The following NRBP2 variants were observed in gnomAD, a reference collection of about 807,000 sequenced individuals.
NRBP2 encodes the protein nuclear receptor-binding protein 2.
NRBP2 carries 47 observed loss-of-function variants against 74.4 expected under a neutral mutation model. That is an observed-to-expected ratio of 0.63 (90% CI 0.50 to 0.81). The LOEUF (loss-of-function observed/expected upper bound fraction) is 0.81. NRBP2 is among the 30% of genes least tolerant of loss of function. NRBP2 has a pLI of 0.00. For missense variants in NRBP2, 613 were observed against 690.1 expected (o/e 0.89, Z 1.25); for synonymous variants, 312 against 273.8 (o/e 1.14, Z -1.38).
At position 143,837,921 on chromosome 8, in the gene NRBP2, A is replaced by T; in HGVS notation, c.841-166T>A. ...TCCCAGCAGCAGCAGCCAGGCCAGG[A>T]CCTGGTCCTCTGAGCTTGAGGACAG... On this transcript the variant is annotated intron_variant, in intron 10 of 17. Coordinates refer to ENST00000442628, the MANE Select transcript of NRBP2 (RefSeq NM_178564.4). This position sits in a 1 kb window ranked among gnomAD's most constrained non-coding sequence, Gnocchi z 4.3. 1 of 829,360 alleles carries T rather than the reference A, an allele frequency of 1.2e-6. No homozygotes were observed. The highest frequency in any genetic ancestry group is 2.0e-6 in the Non-Finnish European group (1 of 501,196). 51.4% of individuals were successfully genotyped at this position (829,360 alleles called of 1,614,324 possible).
downstream of NRBP2, among the ~76,000 whole-genome samples, chr8:143,831,359 C>CA (rs1818161224): frequency 6.6e-6 from 1 of 152,228 alleles, no homozygotes; most frequent in South Asian, 2.1e-4. Context: ...CTCATGCCTG[C>CA]CTTCCCAGCA....
chr8:143,839,086 G>A lies in NRBP2; in HGVS notation c.619C>T (p.Leu207Phe). ...RIFSNALPDD[L>F]RSPIRAEREE... ...CGCTCAGCGCGGATGGGGCTTCGGA[G>A]ATCATCTGGAAGTGCTGTGGGAGGG... The change falls in exon 8 of 18, where the codon CTC becomes TTC. Residue 207 changes from leucine to phenylalanine, a missense_variant. Leu to Phe is a conservative substitution (Grantham distance 22, BLOSUM62 0). This residue lies in a region of NRBP2 where 332 missense variants were observed against 429.2 expected (regional missense o/e 0.77). Transcript: ENST00000442628. The surrounding 1 kb of genome is among the most constrained non-coding windows in gnomAD (Gnocchi z 5.1). 4 of 1,526,740 alleles carry A rather than the reference G, an allele frequency of 2.6e-6. No individual in the cohort carries two copies. Among genetic ancestry groups the A allele is most frequent in the Non-Finnish European group, 3.5e-6 (4 of 1,140,330 alleles). The allele number at this position is 1,526,740 out of a possible 1,614,324, so 94.6% of individuals were successfully genotyped here. A position where few individuals can be genotyped will look rare whatever the true frequency, so the allele number is the denominator to read the frequency against.
At position 143,837,269 on chromosome 8, in the gene NRBP2, G is replaced by C. The variant is rs1554652099; in HGVS notation, c.1107C>G (p.Asp369Glu). The C allele has an allele frequency of 3.1e-6, 5 of 1,613,346 alleles. No homozygotes were observed. The highest frequency in any genetic ancestry group is 4.2e-6 in the Non-Finnish European group (5 of 1,179,914). The part of the protein sequence containing the change: ...RYSEVSFMEL[D>E]KFLEDVRNGI... The stretch of plus-strand genomic sequence containing the variant: ...CTCACCTGACATCCTCCAGGAATTT[G>C]TCCAGCTCCATGAAGGAGACTTCCG... The change falls in exon 13 of 18, where the codon GAC becomes GAG. Residue 369 changes from aspartate (D) to glutamate (E), a missense_variant. Asp to Glu is a conservative substitution (Grantham distance 45). Coordinates refer to ENST00000442628, the MANE Select transcript of NRBP2 (RefSeq NM_178564.4). This position sits in a 1 kb window ranked among gnomAD's most constrained non-coding sequence, Gnocchi z 4.3.
rs782197314 is a variant in NRBP2 at position 143,839,977 on chromosome 8, G to C, written c.306C>G (p.Ile102Met). ...EQLVLVDHPNIVKLHKYWLDT... is the reference protein window; with the variant it reads ...EQLVLVDHPNMVKLHKYWLDT... ...CCAGCCAGTACTTGTGCAACTTCACGATGTTCGGGTGGTCCACCAGCACCA... is the reference window on the plus strand; with the variant it reads ...CCAGCCAGTACTTGTGCAACTTCACCATGTTCGGGTGGTCCACCAGCACCA... The change falls in exon 3 of 18, where the codon ATC becomes ATG. Residue 102 changes from isoleucine to methionine, a missense_variant. By Grantham distance (10) the Ile-to-Met change is conservative. Around this residue, in one of 2 missense-constraint regions of NRBP2, gnomAD observed 332 missense variants for 429.2 expected, o/e 0.77. Coordinates refer to ENST00000442628, the MANE Select transcript of NRBP2 (RefSeq NM_178564.4). The surrounding 1 kb of genome is among the most constrained non-coding windows in gnomAD (Gnocchi z 5.1). 1.3e-6 allele frequency: 2 copies of C among 1,536,160 alleles called. No individual in the cohort carries two copies. Among genetic ancestry groups the C allele is most frequent in the Non-Finnish European group, 8.7e-7 (1 of 1,146,908 alleles).
chr8:143,836,982 T>A, intron 14 of NRBP2, 57 bp downstream of exon 14: 1 of 1,570,996 alleles, frequency 6.4e-7, no homozygotes, highest in South Asian at 1.2e-5. Flanking sequence ...GGGCACCTCT[T>A]ATCTGGCTGT....
At chr8:143,832,587 C>A (rs1211376230), downstream of NRBP2, among the ~76,000 whole-genome samples, 1 of 152,242 alleles carries the variant, frequency 6.6e-6, no homozygotes, top group African/African-American at 2.4e-5. Context: ...GAGGTGGGAC[C>A]TGCGGGCAGC....
At position 143,837,964 on chromosome 8, in the gene NRBP2, A is replaced by G. The variant is rs1554652425; in HGVS notation, c.841-209T>C. The G allele has an allele frequency of 7.0e-6, 5 of 718,466 alleles. No individual in the cohort carries two copies. In the South Asian group the frequency reaches 7.5e-5, roughly 11 times the overall value. The allele number at this position is 718,466 out of a possible 1,614,324, so 44.5% of individuals were successfully genotyped here. ...GAGGACAGCTGGGTTCTGGGATTGG[A>G]GCACCATGCTCTGCTTCCCTCGACC... On this transcript the variant is annotated intron_variant, in intron 10 of 17. Coordinates refer to ENST00000442628, the MANE Select transcript of NRBP2 (RefSeq NM_178564.4). This position sits in a 1 kb window ranked among gnomAD's most constrained non-coding sequence, Gnocchi z 4.3.
At chr8:143,836,604 G>A (rs1458123776) in intron 14 of NRBP2, among the ~76,000 whole-genome samples, 1 of 150,964 alleles carries the variant, frequency 6.6e-6, no homozygotes, top group Non-Finnish European at 1.5e-5. Flanking sequence ...ACCGAGAGAG[G>A]CCCCTGGCCA....
chr8:143,840,840 G>C lies in NRBP2; in HGVS notation c.-6C>G. ...GCCGGCTCCGGGGCCGCCATGGTTCGGCCAGCCCAGGCCACCGCCCTCTGC... is the reference window on the plus strand; with the variant it reads ...GCCGGCTCCGGGGCCGCCATGGTTCCGCCAGCCCAGGCCACCGCCCTCTGC... On this transcript the variant is annotated 5_prime_UTR_variant, in exon 1 of 18. Transcript: ENST00000442628. The surrounding 1 kb of genome is among the most constrained non-coding windows in gnomAD (Gnocchi z 5.7). 6.9e-7 allele frequency: 1 copy of C among 1,440,366 alleles called. No homozygotes were observed. The highest frequency in any genetic ancestry group is 1.4e-5 in the South Asian group (1 of 72,910). 89.2% of individuals were successfully genotyped at this position (1,440,366 alleles called of 1,614,324 possible).
Position 143,839,090 on chromosome 8 carries a change from A to G in NRBP2, c.615T>C (p.Asp205=). 1 of 1,525,664 alleles carries G rather than the reference A, an allele frequency of 6.6e-7. No individual in the cohort carries two copies. The highest frequency in any genetic ancestry group is 8.8e-7 in the Non-Finnish European group (1 of 1,139,716). The allele number at this position is 1,525,664 out of a possible 1,614,324, so 94.5% of individuals were successfully genotyped here. A position where few individuals can be genotyped will look rare whatever the true frequency, so the allele number is the denominator to read the frequency against. The change falls in exon 8 of 18, where the codon GAT becomes GAC. Residue 205 remains aspartate (D), a synonymous_variant. Transcript: ENST00000442628. The surrounding 1 kb of genome is among the most constrained non-coding windows in gnomAD (Gnocchi z 5.1). ...WHRIFSNALP[D]DLRSPIRAER... The stretch of plus-strand genomic sequence containing the variant: ...CAGCGCGGATGGGGCTTCGGAGATC[A>G]TCTGGAAGTGCTGTGGGAGGGCGCA...
Position 143,835,801 on chromosome 8 carries a change from G to A in NRBP2, c.1437+19C>T, listed in dbSNP as rs372598437. 1.2e-5 allele frequency: 19 copies of A among 1,600,904 alleles called. No individual in the cohort carries two copies. The highest frequency in any genetic ancestry group is 4.0e-5 in the African/African-American group (3 of 74,764). ...CCGTGCGCCCCCTCCGCCAGGCCGC[G>A]CCGCACCGCCCAGCGCACCTCGTGG... On this transcript the variant is annotated intron_variant, in intron 17 of 17. Coordinates refer to ENST00000442628, the MANE Select transcript of NRBP2 (RefSeq NM_178564.4). This position sits in a 1 kb window ranked among gnomAD's most constrained non-coding sequence, Gnocchi z 4.9.
rs529336017 is a variant in NRBP2, at chr8:143,839,877, C to A, written c.354+52G>T. 4.3e-5 allele frequency: 66 copies of A among 1,534,990 alleles called. No homozygotes were observed. The African/African-American group carries it at 8.5e-4, about 20-fold the overall frequency. On this transcript the variant is annotated intron_variant, in intron 3 of 17. Transcript: ENST00000442628. This position sits in a 1 kb window ranked among gnomAD's most constrained non-coding sequence, Gnocchi z 5.1. The stretch of plus-strand genomic sequence containing the variant: ...ACCAGCTGCGGGTTCGTCCCCATGC[C>A]CGCCCCACCTAGCTGTGGTCTCTGC...
chr8:143,830,670 A>G (rs1213801751), downstream of NRBP2, among the ~76,000 whole-genome samples: 3 of 152,238 alleles, frequency 2.0e-5, no homozygotes, highest in African/African-American at 7.2e-5. Flanking sequence ...ACCAGGTCAT[A>G]AGCCCCAGCC....
In NRBP2 at chr8:143,837,530, A is replaced by G. The variant is rs1554652242; in HGVS notation, c.974-21T>C. ...GAGGTCTGCGGCCACAAGAGCATCA[A>G]GGCGGTGTGCTCAGGCCGTGGGTCC... On this transcript the variant is annotated intron_variant, in intron 11 of 17. Transcript: ENST00000442628. This position sits in a 1 kb window ranked among gnomAD's most constrained non-coding sequence, Gnocchi z 4.3. The G allele has an allele frequency of 1.2e-6, 2 of 1,603,654 alleles. No homozygotes were observed. Among genetic ancestry groups the G allele is most frequent in the Non-Finnish European group, 1.7e-6 (2 of 1,175,416 alleles).
downstream of NRBP2, among the ~76,000 whole-genome samples, chr8:143,831,076 C>A (rs1215963405): frequency 6.6e-6 from 1 of 152,194 alleles, no homozygotes; most frequent in Non-Finnish European, 1.5e-5. Flanking sequence ...CTGCCACCAC[C>A]ACCAGGGGAA....
downstream of NRBP2, among the ~76,000 whole-genome samples, chr8:143,832,100 CTGTTAAT>C (rs1554650386): frequency 6.6e-6 from 1 of 152,220 alleles, no homozygotes; most frequent in Non-Finnish European, 1.5e-5. Flanking sequence ...CCTTGAGACT[CTGTTAAT>C]CTATGACCTT....
At position 143,840,123 on chromosome 8, in the gene NRBP2, GC is replaced by G; in HGVS notation, c.235del (p.Ala79ProfsTer25). 6.5e-7 allele frequency: 1 copy of G among 1,536,134 alleles called. No homozygotes were observed. Among genetic ancestry groups the G allele is most frequent in the East Asian group, 2.4e-5 (1 of 40,902 alleles). Reference protein sequence around the residue: ...WNELHFGDRKAFAAHEEKIQT... With the variant: ...WNELHFGDRKXFAAHEEKIQT... ...CGGTCTCACCTCGTGCGCCGCGAAG[GC>G]CTTCCTGTCTCCGAAGTGGAGCTCG... On this transcript the variant is annotated frameshift_variant, in exon 2 of 18. Transcript: ENST00000442628. LOFTEE classifies it high-confidence loss of function. This position sits in a 1 kb window ranked among gnomAD's most constrained non-coding sequence, Gnocchi z 5.7.
intron 14 of NRBP2, among the ~76,000 whole-genome samples, chr8:143,836,557 A>C (rs981693725): frequency 6.6e-6 from 1 of 151,428 alleles, no homozygotes; most frequent in Non-Finnish European, 1.5e-5. Context: ...AGGAGCAGGC[A>C]GTTTGCCTGT....
chr8:143,840,301 C>G lies in NRBP2; in HGVS notation c.130-72G>C. On this transcript the variant is annotated intron_variant, in intron 1 of 17. Transcript: ENST00000442628. The surrounding 1 kb of genome is among the most constrained non-coding windows in gnomAD (Gnocchi z 5.7). The stretch of plus-strand genomic sequence containing the variant: ...TGTGGGTGAGGATTTGGTCCCTGTC[C>G]ACACCTTTCCAGTGGGCCCAAGCGT... 3.3e-6 allele frequency: 5 copies of G among 1,515,676 alleles called. No individual in the cohort carries two copies. The highest frequency in any genetic ancestry group is 4.4e-6 in the Non-Finnish European group (5 of 1,134,100). The allele number at this position is 1,515,676 out of a possible 1,614,324, so 93.9% of individuals were successfully genotyped here.
Sources: gnomAD v4.1 joint callset for allele counts (sites outside exome capture counted in the v4.1 genomes callset) on GRCh38, gnomAD v4.1.1 for gene constraint, gnomAD v4.1.1 regional missense constraint, Gnocchi (gnomAD v3.1) non-coding constraint, MANE v1.5 for transcripts, NCBI Gene and HGNC (gene_info 2026-07-23, HGNC 2026-07-21) for gene names.